The following IL13RA1 variants were observed in gnomAD, a reference collection of about 807,000 sequenced individuals.
The protein encoded by IL13RA1 is interleukin 13 receptor subunit alpha 1.
Under a neutral mutation model 33.8 loss-of-function variants are expected in IL13RA1, and 14 were observed. The ratio of observed to expected loss-of-function variants is 0.41; its 90% confidence interval spans 0.27 to 0.65. The LOEUF (loss-of-function observed/expected upper bound fraction) is 0.65. IL13RA1 is among the 30% of genes least tolerant of loss of function. The pLI, the probability that IL13RA1 is intolerant of heterozygous loss-of-function variation, is 0.28. For missense variants in IL13RA1, 313 were observed against 327.0 expected (o/e 0.96, Z 0.33); for synonymous variants, 116 against 115.7 (o/e 1.00, Z -0.02).
At position 118,770,299 on chromosome X, in the gene IL13RA1, G is replaced by T. The variant is rs1411859576; in HGVS notation, c.1009+3323G>T. 2.0e-5 allele frequency: 7 copies of T among 347,659 alleles called. No homozygotes were observed. The East Asian group carries it at 6.0e-4, about 30-fold the overall frequency. The allele number at this position is 347,659 out of a possible 1,213,427, so 28.7% of individuals were successfully genotyped here. On this transcript the variant is annotated intron_variant, in intron 8 of 10. Coordinates refer to ENST00000371666, the MANE Select transcript of IL13RA1 (RefSeq NM_001560.3). ...CCAACAGCCTCTTCAACGACTCCTCGCTGTGGCACCAGTGCTGGCCCGGCG... is the reference window on the plus strand; with the variant it reads ...CCAACAGCCTCTTCAACGACTCCTCTCTGTGGCACCAGTGCTGGCCCGGCG...
chrX:118,761,939 A>G (rs2017594873), intron 6 of IL13RA1, among the ~76,000 whole-genome samples: 1 of 112,268 alleles, frequency 8.9e-6, no homozygotes, highest in South Asian at 3.7e-4. Context: ...TAGCAGGAAA[A>G]GATGTCTAAG....
At chrX:118,770,204 C>G (rs1324531676) in intron 8 of IL13RA1, 1 of 293,715 alleles carries the variant, frequency 3.4e-6, no homozygotes, top group Non-Finnish European at 6.6e-6. Context: ...CTGCCCAGCA[C>G]GCTGCACCAT....
chrX:118,748,190 C>CT (rs1386604898), intron 3 of IL13RA1, among the ~76,000 whole-genome samples: 7 of 102,622 alleles, frequency 6.8e-5, no homozygotes, highest in African/African-American at 2.5e-4. Flanking sequence ...GGCCCCATCT[C>CT]TTAACCTCCA....
chrX:118,800,442 G>T, the IL13RA1 span, among the ~76,000 whole-genome samples: 13 of 110,158 alleles, frequency 1.2e-4, no homozygotes, highest in Admixed American at 1.2e-3. Context: ...CTCCAGACGC[G>T]CTACCTTAAG....
chrX:118,804,575 C>T, the IL13RA1 span, among the ~76,000 whole-genome samples: 1 of 112,046 alleles, frequency 8.9e-6, no homozygotes, highest in African/African-American at 3.2e-5. Context: ...AGTACTTCAG[C>T]ATGGATTAAT....
intron 1 of IL13RA1, among the ~76,000 whole-genome samples, chrX:118,735,835 G>A (rs957382713): frequency 5.4e-5 from 6 of 111,473 alleles, no homozygotes; most frequent in Non-Finnish European, 1.1e-4. Flanking sequence ...CACCACACCC[G>A]GCTCATTATT....
At chrX:118,762,792 G>A (rs1217793930) in intron 6 of IL13RA1, among the ~76,000 whole-genome samples, 3 of 112,071 alleles carry the variant, frequency 2.7e-5, no homozygotes, top group South Asian at 3.7e-4. Flanking sequence ...AGTCTTTACT[G>A]TTCTCTCCTG....
chrX:118,776,093 T>C (rs1290431030), intron 9 of IL13RA1, among the ~76,000 whole-genome samples: 1 of 111,733 alleles, frequency 8.9e-6, no homozygotes, highest in Non-Finnish European at 1.9e-5. Flanking sequence ...GAATGTATCC[T>C]GTTCTCAGAT....
At chrX:118,767,881 G>A (rs751276692) in intron 8 of IL13RA1, among the ~76,000 whole-genome samples, 2 of 111,504 alleles carry the variant, frequency 1.8e-5, no homozygotes, top group South Asian at 7.5e-4. Context: ...TGCAGGTTGG[G>A]GCACAGAGCT....
chrX:118,747,151 CT>C (rs752502859), intron 3 of IL13RA1, 59 bp downstream of exon 3: 2 of 719,418 alleles, frequency 2.8e-6, no homozygotes, highest in South Asian at 2.7e-5. Context: ...TGCTCCAATG[CT>C]TTTGTGCATT....
rs5903529 is a variant in IL13RA1, at chrX:118,776,541, GTTTTTTT to G, written c.1191+45_1191+51del. On this transcript the variant is annotated intron_variant, in intron 10 of 10. Transcript: ENST00000371666. ...GAACAGATTTCATGGGGCTTGAAAT[GTTTTTTT>G]TTTTTTTTTTTTTTGGAAGCTATGG... The G allele has an allele frequency of 5.4e-3, 1,187 of 219,621 alleles. 20 individuals carry two copies. The highest frequency in any genetic ancestry group is 0.038 in the African/African-American group (1,010 of 26,306). 18.1% of individuals were successfully genotyped at this position (219,621 alleles called of 1,213,427 possible).
chrX:118,749,757 C>A lies in IL13RA1; in HGVS notation c.467C>A (p.Thr156Asn). 8.6e-7 allele frequency: 1 copy of A among 1,162,663 alleles called. No individual in the cohort carries two copies. The highest frequency in any genetic ancestry group is 1.2e-6 in the Non-Finnish European group (1 of 851,009). ...WLPGRNTSPDTNYTLYYWHRS... is the reference protein window; with the variant it reads ...WLPGRNTSPDNNYTLYYWHRS... The stretch of plus-strand genomic sequence containing the variant: ...CCTGGAAGGAATACCAGTCCCGACA[C>A]TAACTATACTCTCTACTATTGGTGA... The change falls in exon 4 of 11, where the codon ACT (threonine) becomes AAT (asparagine). Residue 156 changes from threonine to asparagine, a missense_variant. By Grantham distance (65) the Thr-to-Asn change is moderately conservative. Coordinates refer to ENST00000371666, the MANE Select transcript of IL13RA1 (RefSeq NM_001560.3).
chrX:118,763,437 A>G (rs780240880), intron 6 of IL13RA1, among the ~76,000 whole-genome samples: 3 of 112,399 alleles, frequency 2.7e-5, no homozygotes, highest in Non-Finnish European at 5.6e-5. Context: ...TCACATTTTT[A>G]GTAAGTGGTA....
At chrX:118,752,314 G>A (rs750587351) in intron 4 of IL13RA1, among the ~76,000 whole-genome samples, 7 of 110,772 alleles carry the variant, frequency 6.3e-5, no homozygotes, top group Admixed American at 1.9e-4. Flanking sequence ...CCATTCGCCC[G>A]CAGCAAACTT....
the IL13RA1 span, among the ~76,000 whole-genome samples, chrX:118,800,896 C>T: frequency 8.9e-6 from 1 of 111,839 alleles, no homozygotes; most frequent in Non-Finnish European, 1.9e-5. Context: ...AAGCGGTTCT[C>T]CTACCTCAGC....
intron 6 of IL13RA1, among the ~76,000 whole-genome samples, chrX:118,764,954 A>G (rs1457150383): frequency 4.5e-5 from 5 of 112,001 alleles, no homozygotes; most frequent in African/African-American, 1.6e-4. Context: ...TTCACAAATG[A>G]TTTTTCACCT....
chrX:118,730,717 AG>A (rs2017207240), intron 1 of IL13RA1, among the ~76,000 whole-genome samples: 1 of 112,011 alleles, frequency 8.9e-6, no homozygotes, highest in Non-Finnish European at 1.9e-5. Context: ...TGGAGTGTGA[AG>A]CTACATAAGA....
intron 1 of IL13RA1, among the ~76,000 whole-genome samples, chrX:118,728,614 T>C (rs888672419): frequency 7.1e-5 from 8 of 112,340 alleles, no homozygotes; most frequent in Admixed American, 6.6e-4. Context: ...TAGGTTTTAT[T>C]ATCACATTGA....
chrX:118,767,606 T>C (rs1274992939), intron 8 of IL13RA1, among the ~76,000 whole-genome samples: 2 of 111,464 alleles, frequency 1.8e-5, no homozygotes, highest in African/African-American at 6.5e-5. Context: ...GAGACTGTCC[T>C]ACATGCTGGT....
Sources: gnomAD v4.1 joint callset for allele counts (sites outside exome capture counted in the v4.1 genomes callset) on GRCh38, gnomAD v4.1.1 for gene constraint, MANE v1.5 for transcripts, NCBI Gene and HGNC (gene_info 2026-07-23, HGNC 2026-07-21) for gene names.